Variants in IQCK observed in about 807,000 individuals in gnomAD.
IQCK encodes the protein IQ domain-containing protein K.
IQCK carries 29 observed loss-of-function variants against 28.1 expected under a neutral mutation model. The observed-to-expected ratio is 1.03, with a 90% CI of 0.77 to 1.41. The LOEUF is 1.41. Among genes scored for constraint, IQCK ranks in the 40% most tolerant of loss-of-function variants. The pLI, the probability that IQCK is intolerant of heterozygous loss-of-function variation, is 0.00. For missense variants in IQCK, 359 were observed against 314.7 expected, an observed-to-expected ratio of 1.14 and a Z score of -1.07; for synonymous variants, 113 against 115.1, an observed-to-expected ratio of 0.98 and a Z score of 0.12.
chr16:19,855,438 A>C (rs4782292), intron 9 of IQCK, among the ~76,000 whole-genome samples: 18,462 of 152,158 alleles, frequency 0.12, 1,174 homozygotes, highest in African/African-American at 0.15. Flanking sequence ...TAAAAATACA[A>C]AAAGTAGCAG....
chr16:19,852,685 C>T (rs948060109), intron 9 of IQCK, among the ~76,000 whole-genome samples: 4 of 148,246 alleles, frequency 2.7e-5, no homozygotes, highest in Non-Finnish European at 5.9e-5. Context: ...TGCAGTGACG[C>T]GATCTTGGCT....
chr16:19,743,120 G>A (rs2054859890), intron 4 of IQCK, among the ~76,000 whole-genome samples: 1 of 152,168 alleles, frequency 6.6e-6, no homozygotes, highest in Admixed American at 6.6e-5. Context: ...GCAGTGAGCT[G>A]AGATCACGCC....
At chr16:19,802,465 C>A (rs1461410202) in intron 7 of IQCK, among the ~76,000 whole-genome samples, 2 of 82,816 alleles carry the variant, frequency 2.4e-5, no homozygotes, top group Non-Finnish European at 4.6e-5. Context: ...AGTAATAATT[C>A]CTGCCTATGA....
intron 6 of IQCK, among the ~76,000 whole-genome samples, chr16:19,767,554 C>G (rs1033378949): frequency 6.6e-6 from 1 of 152,110 alleles, no homozygotes; most frequent in African/African-American, 2.4e-5. Context: ...GTGCTCCTCT[C>G]AACATCCTCT....
At chr16:19,727,593 C>T (rs971254637) in intron 1 of IQCK, among the ~76,000 whole-genome samples, 1 of 150,410 alleles carries the variant, frequency 6.6e-6, no homozygotes, top group Non-Finnish European at 1.5e-5. Context: ...TCACCCCCCC[C>T]CCCCAAAAAA....
intron 4 of IQCK, among the ~76,000 whole-genome samples, chr16:19,746,641 C>T (rs938887530): frequency 3.9e-5 from 6 of 152,212 alleles, no homozygotes; most frequent in African/African-American, 1.4e-4. Context: ...ATTTCCCAAA[C>T]TTGGCTACGA....
At chr16:19,722,825 C>T (rs1458942543) in intron 1 of IQCK, among the ~76,000 whole-genome samples, 2 of 151,988 alleles carry the variant, frequency 1.3e-5, no homozygotes, top group Non-Finnish European at 2.9e-5. Flanking sequence ...CAAGCAATTC[C>T]CCCACCTCAG....
chr16:19,852,619 CTTTTTTTTTTTT>C (rs768835414), intron 9 of IQCK, among the ~76,000 whole-genome samples: 1 of 135,294 alleles, frequency 7.4e-6, no homozygotes, highest in African/African-American at 2.7e-5. Flanking sequence ...TTTCCTTCAA[CTTTTTTTTTTTT>C]TTTTTTTTTG....
chr16:19,840,490 CAG>C (rs1428316283), intron 9 of IQCK, among the ~76,000 whole-genome samples: 6 of 152,136 alleles, frequency 3.9e-5, no homozygotes, highest in African/African-American at 1.2e-4. Context: ...TTTTCTAAAA[CAG>C]AAATGCAAGT....
At chr16:19,733,865 T>G (rs1977920719) in intron 3 of IQCK, 38 bp downstream of exon 3, 2 of 1,612,028 alleles carry the variant, frequency 1.2e-6, no homozygotes, top group Non-Finnish European at 1.7e-6. Context: ...AATTTGGGGC[T>G]TTTAACATTG....
intron 7 of IQCK, among the ~76,000 whole-genome samples, chr16:19,800,741 A>G (rs1236359766): frequency 1.5e-5 from 1 of 68,640 alleles, no homozygotes; most frequent in Admixed American, 1.5e-4. Context: ...ATAACTTTAT[A>G]TAGAAAATAG....
chr16:19,819,796 G>A (rs925996464), intron 7 of IQCK, among the ~76,000 whole-genome samples: 2 of 151,864 alleles, frequency 1.3e-5, no homozygotes, highest in Non-Finnish European at 2.9e-5. Context: ...GGCAGATCAC[G>A]AGGTCAGGAA....
At chr16:19,834,805 G>A (rs1304377526) in intron 9 of IQCK, among the ~76,000 whole-genome samples, 1 of 152,208 alleles carries the variant, frequency 6.6e-6, no homozygotes, top group East Asian at 1.9e-4. Context: ...CTGGGTACCA[G>A]GAACACTCTA....
chr16:19,733,964 A>G, intron 3 of IQCK, 137 bp downstream of exon 3: 1 of 764,630 alleles, frequency 1.3e-6, no homozygotes, highest in Non-Finnish European at 2.1e-6. Flanking sequence ...TTTATTTTTA[A>G]GAGACATGTC....
intron 4 of IQCK, among the ~76,000 whole-genome samples, chr16:19,760,253 CTG>C (rs1386305825): frequency 1.3e-5 from 2 of 152,240 alleles, no homozygotes; most frequent in Admixed American, 1.3e-4. Context: ...TAAAAAGTCT[CTG>C]TTTCAAATAA....
intron 4 of IQCK, among the ~76,000 whole-genome samples, chr16:19,750,686 T>A (rs2054974914): frequency 6.6e-6 from 1 of 152,010 alleles, no homozygotes. Context: ...GGTCTCGAAC[T>A]CCTGACCTCA....
At chr16:19,746,750 A>T (rs535934951) in intron 4 of IQCK, among the ~76,000 whole-genome samples, 206 of 152,326 alleles carry the variant, frequency 1.4e-3, no homozygotes, top group Non-Finnish European at 5.1e-4. Context: ...ATGGTTCTTT[A>T]ACAAAGTGAA....
At chr16:19,857,596 C>T in exon 10 of IQCK, 1 of 339,862 alleles carries the variant, frequency 2.9e-6, no homozygotes, top group Non-Finnish European at 5.5e-6. Flanking sequence ...CTCCTGTAAG[C>T]TGGTATCATC....
At chr16:19,750,551 TC>T (rs1021287213) in intron 4 of IQCK, among the ~76,000 whole-genome samples, 1 of 151,698 alleles carries the variant, frequency 6.6e-6, no homozygotes, top group African/African-American at 2.4e-5. Context: ...AACCTCCAAC[TC>T]CCGGATTCAA....
Sources: allele counts gnomAD v4.1 joint callset (sites outside exome capture counted in the v4.1 genomes callset), GRCh38; gene constraint gnomAD v4.1.1; transcripts MANE v1.5; gene names NCBI Gene and HGNC (gene_info 2026-07-23, HGNC 2026-07-21).